Variants in STX7 observed in about 807,000 individuals in gnomAD.
STX7 encodes syntaxin 7, also known as syntaxin-7.
STX7 carries 34 observed loss-of-function variants against 39.6 expected under a neutral mutation model. The ratio of observed to expected loss-of-function variants is 0.86; its 90% CI spans 0.65 to 1.14. The LOEUF is 1.14. Among genes scored for constraint, STX7 ranks in the 50% most tolerant of loss-of-function variants. STX7 has a pLI of 0.00. For missense variants in STX7, 284 were observed against 310.4 expected (o/e 0.92, Z 0.64); for synonymous variants, 119 against 99.1 (o/e 1.20, Z -1.19).
chr6:132,485,787 T>C (rs770846155), intron 2 of STX7, among the ~76,000 whole-genome samples: 5 of 152,222 alleles, frequency 3.3e-5, no homozygotes, highest in Admixed American at 6.5e-5. Flanking sequence ...GTCCTATTTG[T>C]CATCTGTATA....
rs554317326 is a variant in STX7, at chr6:132,512,780, G to A, written c.-59+227C>T. Among the ~76,000 whole-genome samples, 502 of 152,266 alleles carry A rather than the reference G, an allele frequency of 3.3e-3. 3 individuals are homozygous for A. Among genetic ancestry groups the A allele is most frequent in the Non-Finnish European group, 2.1e-3 (144 of 67,998 alleles). ...ACCTGACCACAGCCGCGCGCACCCG[G>A]AATGCGGAACGCGCCGCGCCCTTGC... On this transcript the variant is annotated intron_variant, in intron 1 of 9. Transcript: ENST00000367941.
At chr6:132,471,824 G>A (rs767379627) in intron 4 of STX7, among the ~76,000 whole-genome samples, 1 of 152,104 alleles carries the variant, frequency 6.6e-6, no homozygotes, top group East Asian at 1.9e-4. Context: ...AGGTTTTCAC[G>A]CTGCTAAAAA....
At chr6:132,482,684 A>T (rs1347733214) in intron 2 of STX7, among the ~76,000 whole-genome samples, 1 of 152,214 alleles carries the variant, frequency 6.6e-6, no homozygotes, top group African/African-American at 2.4e-5. Flanking sequence ...AAGTAATTTG[A>T]AGGAGTTGAA....
At position 132,458,889 on chromosome 6, in the gene STX7, G is replaced by A. The variant is rs906617792; in HGVS notation, c.*1869C>T. ...CTTCAAATAAAGGTACTAAAATCAC[G>A]CCCCCCAAATTTGTAAGCGCTTTTG... On this transcript the variant is annotated 3_prime_UTR_variant, in exon 10 of 10. Coordinates refer to ENST00000367941, the MANE Select transcript of STX7 (RefSeq NM_003569.3). 7.9e-5 allele frequency: 12 copies of A among 151,912 alleles called. No homozygotes were observed. Among genetic ancestry groups the A allele is most frequent in the African/African-American group, 2.2e-4 (9 of 41,362 alleles). The allele number at this position is 151,912 out of a possible 1,614,324, so 9.4% of individuals were successfully genotyped here. A position where few individuals can be genotyped will look rare whatever the true frequency, so the allele number is the denominator to read the frequency against.
intron 3 of STX7, among the ~76,000 whole-genome samples, chr6:132,473,520 G>T (rs71547105): frequency 0.33 from 44,957 of 135,406 alleles, 7,994 homozygotes; most frequent in East Asian, 0.69. Flanking sequence ...TTATTGTGTT[G>T]TTTTTTTTTT....
At chr6:132,485,110 T>C (rs996159281) in intron 2 of STX7, among the ~76,000 whole-genome samples, 6 of 152,208 alleles carry the variant, frequency 3.9e-5, no homozygotes, top group Non-Finnish European at 7.3e-5. Context: ...ATCATCACAC[T>C]TAAGACAGTT....
intron 2 of STX7, among the ~76,000 whole-genome samples, chr6:132,476,547 G>GC (rs1774880333): frequency 6.6e-6 from 1 of 152,006 alleles, no homozygotes; most frequent in African/African-American, 2.4e-5. Flanking sequence ...TTCTGAATCA[G>GC]GAAAAAAGCA....
chr6:132,503,313 G>T, intron 2 of STX7, 133 bp downstream of exon 2: 1 of 660,986 alleles, frequency 1.5e-6, no homozygotes, highest in South Asian at 2.0e-5. Context: ...TAAAGAGTTC[G>T]AGCCCTTTAA....
At chr6:132,493,898 C>T (rs1429986121) in intron 2 of STX7, among the ~76,000 whole-genome samples, 1 of 152,200 alleles carries the variant, frequency 6.6e-6, no homozygotes, top group Non-Finnish European at 1.5e-5. Context: ...TGAGTAGCCA[C>T]TACACAACTA....
intron 2 of STX7, among the ~76,000 whole-genome samples, chr6:132,485,623 T>C (rs1775114519): frequency 6.6e-6 from 1 of 152,222 alleles, no homozygotes; most frequent in Non-Finnish European, 1.5e-5. Flanking sequence ...ACTTTACACT[T>C]CCACCTGCAG....
At chr6:132,504,497 G>C (rs1162958999) in intron 1 of STX7, among the ~76,000 whole-genome samples, 1 of 152,168 alleles carries the variant, frequency 6.6e-6, no homozygotes, top group East Asian at 1.9e-4. Context: ...ACTGCGCACA[G>C]CAAAGAATTT....
Position 132,456,490 on chromosome 6 carries a change from C to A in STX7, c.*4268G>T, listed in dbSNP as rs532739898. On this transcript the variant is annotated 3_prime_UTR_variant, in exon 10 of 10. Coordinates refer to ENST00000367941, the MANE Select transcript of STX7 (RefSeq NM_003569.3). ...GGCATGTAGTAGCCTGGCAAAAAGC[C>A]GGCCCCAAATAAGTGCCAAATTAAG... is the stretch of plus-strand genomic sequence containing the variant. 1 of 152,112 alleles carries A rather than the reference C, an allele frequency of 6.6e-6. No homozygotes were observed. Among genetic ancestry groups the A allele is most frequent in the East Asian group, 1.9e-4 (1 of 5,190 alleles). The allele number at this position is 152,112 out of a possible 1,614,324, so 9.4% of individuals were successfully genotyped here.
rs541082309 is a variant in STX7, at chr6:132,454,519, A to G, written c.*6239T>C. 2.6e-5 allele frequency: 4 copies of G among 152,298 alleles called. No homozygotes were observed. In the East Asian group the frequency reaches 7.7e-4, roughly 29 times the overall value. 9.4% of individuals were successfully genotyped at this position (152,298 alleles called of 1,614,324 possible). A position where few individuals can be genotyped will look rare whatever the true frequency, so the allele number is the denominator to read the frequency against. ...AACAGCATGTGAATCTAGTTTCTCAAAAGTTTAGTTAAAAATACTAGCATT... is the reference window on the plus strand; with the variant it reads ...AACAGCATGTGAATCTAGTTTCTCAGAAGTTTAGTTAAAAATACTAGCATT... On this transcript the variant is annotated 3_prime_UTR_variant, in exon 10 of 10. Transcript: ENST00000367941.
intron 2 of STX7, among the ~76,000 whole-genome samples, chr6:132,481,834 G>A (rs919671818): frequency 1.3e-5 from 2 of 152,150 alleles, no homozygotes; most frequent in African/African-American, 4.8e-5. Flanking sequence ...TAATATGTGT[G>A]TTCTATTGGA....
At position 132,453,205 on chromosome 6, in the gene STX7, A is replaced by C. The variant is rs1384440506; in HGVS notation, c.*7553T>G. The C allele has an allele frequency of 3.3e-5, 5 of 152,286 alleles. No individual in the cohort carries two copies. The highest frequency in any genetic ancestry group is 4.1e-4 in the South Asian group (2 of 4,834). 9.4% of individuals were successfully genotyped at this position (152,286 alleles called of 1,614,324 possible). On this transcript the variant is annotated 3_prime_UTR_variant, in exon 10 of 10. Transcript: ENST00000367941. ...ATTGAATATCCATAGGCAACAACAA[A>C]AAAAATGAACCCAGACCTAAGTCTC... is the stretch of plus-strand genomic sequence containing the variant.
rs1030227781 is a variant in STX7 at position 132,448,699 on chromosome 6, G to A, written c.*12059C>T. 8 of 151,974 alleles carry A rather than the reference G, an allele frequency of 5.3e-5. No individual in the cohort carries two copies. Among genetic ancestry groups the A allele is most frequent in the Non-Finnish European group, 1.0e-4 (7 of 68,028 alleles). 9.4% of individuals were successfully genotyped at this position (151,974 alleles called of 1,614,324 possible). ...AAAATACAAAAAAATTAGCCAGGTT[G>A]TGGTGGCGCACACCTGTACTCCCAG... On this transcript the variant is annotated 3_prime_UTR_variant, in exon 10 of 10. Transcript: ENST00000367941.
chr6:132,475,565 T>A, intron 3 of STX7, 28 bp downstream of exon 3: 1 of 1,510,068 alleles, frequency 6.6e-7, no homozygotes, highest in Non-Finnish European at 9.0e-7. Flanking sequence ...TTTTTCTTTC[T>A]CTTTTATTTA....
intron 1 of STX7, among the ~76,000 whole-genome samples, chr6:132,504,674 C>T (rs992018554): frequency 6.6e-6 from 1 of 152,138 alleles, no homozygotes; most frequent in African/African-American, 2.4e-5. Flanking sequence ...ACAGTATCTG[C>T]TCAAATCAAG....
chr6:132,489,476 G>C (rs1293229387), intron 2 of STX7, among the ~76,000 whole-genome samples: 2 of 152,152 alleles, frequency 1.3e-5, no homozygotes, highest in Non-Finnish European at 2.9e-5. Context: ...GAATGTGAAG[G>C]ATGGCTACTA....
Sources: allele counts gnomAD v4.1 joint callset (sites outside exome capture counted in the v4.1 genomes callset), GRCh38; gene constraint gnomAD v4.1.1; transcripts MANE v1.5; gene names NCBI Gene and HGNC (gene_info 2026-07-23, HGNC 2026-07-21).